The following CDC14B variants were observed in gnomAD, a reference collection of about 807,000 sequenced individuals.
The protein encoded by CDC14B is dual specificity protein phosphatase CDC14B.
Under a neutral mutation model 64.2 loss-of-function variants are expected in CDC14B, and 22 were observed. The observed-to-expected ratio is 0.34, with a 90% CI of 0.24 to 0.49. The LOEUF (loss-of-function observed/expected upper bound fraction) is 0.49, where lower values mean the gene tolerates loss of function less well. Ranked by LOEUF, CDC14B falls within the 20% of genes least tolerant of loss-of-function variation. CDC14B has a pLI of 0.99. For synonymous variants in CDC14B, 191 were observed against 215.8 expected (o/e 0.89, Z 1.01); for missense variants, 498 against 629.9 (o/e 0.79, Z 2.24).
downstream of CDC14B, among the ~76,000 whole-genome samples, chr9:96,499,275 G>A (rs1353810551): frequency 1.3e-5 from 2 of 152,212 alleles, no homozygotes; most frequent in Non-Finnish European, 2.9e-5. Flanking sequence ...GTGAATCCAA[G>A]CACAGCTCCT....
chr9:96,514,861 C>G, intron 12 of CDC14B: 1 of 985,340 alleles, frequency 1.0e-6, no homozygotes, highest in Non-Finnish European at 1.2e-6. Flanking sequence ...AAAGCCTCTT[C>G]GCTGTTAAGG....
Position 96,619,306 on chromosome 9 carries a change from A to G in CDC14B, c.73T>C (p.Ser25Pro). ...PPCSRRCSST[S>P]PGVKKIRSST... The stretch of plus-strand genomic sequence containing the variant: ...CTGCGGATCTTCTTCACACCCGGCG[A>G]GGTCGACGAGCAGCGCCGCGAGCAG... Residue 25 changes from serine (S) to proline (P), a missense_variant, in exon 1 of 14, where the codon TCG becomes CCG. Physicochemically the swap from Ser to Pro is moderately conservative, Grantham distance 74. Transcript: ENST00000375241. 7.6e-7 allele frequency: 1 copy of G among 1,315,086 alleles called. No homozygotes were observed. The highest frequency in any genetic ancestry group is 9.7e-7 in the Non-Finnish European group (1 of 1,028,720). The allele number at this position is 1,315,086 out of a possible 1,614,324, so 81.5% of individuals were successfully genotyped here.
At chr9:96,505,183 T>TTA (rs1446898432) in intron 13 of CDC14B, among the ~76,000 whole-genome samples, 1 of 149,368 alleles carries the variant, frequency 6.7e-6, no homozygotes, top group Non-Finnish European at 1.5e-5. Flanking sequence ...TCTGTCTCAT[T>TTA]TAAAAAAAAA....
chr9:96,575,323 T>C (rs1324952738), intron 1 of CDC14B, among the ~76,000 whole-genome samples: 2 of 152,206 alleles, frequency 1.3e-5, no homozygotes, highest in Non-Finnish European at 1.5e-5. Context: ...TTTTAATCTT[T>C]GTCTGTTTGA....
intron 9 of CDC14B, among the ~76,000 whole-genome samples, chr9:96,527,073 G>C (rs7466621): frequency 0.12 from 17,554 of 152,154 alleles, 3,353 homozygotes; most frequent in African/African-American, 0.4. Flanking sequence ...TCTGAATTCT[G>C]TTTTAGCTCA....
At chr9:96,541,536 A>G (rs1269085422) in intron 6 of CDC14B, among the ~76,000 whole-genome samples, 4 of 152,216 alleles carry the variant, frequency 2.6e-5, no homozygotes, top group Non-Finnish European at 4.4e-5. Flanking sequence ...TTAGATCATA[A>G]TATACTCAAA....
chr9:96,494,546 CT>C (rs5899289), intron 13 of CDC14B, among the ~76,000 whole-genome samples: 38,581 of 152,076 alleles, frequency 0.25, 6,511 homozygotes, highest in African/African-American at 0.48. Context: ...TCCTGGAAAG[CT>C]CTCTGCCTGG....
At chr9:96,512,076 G>A (rs529101895) in intron 12 of CDC14B, among the ~76,000 whole-genome samples, 18 of 151,710 alleles carry the variant, frequency 1.2e-4, no homozygotes, top group Admixed American at 2.0e-4. Flanking sequence ...ATAATTAGCC[G>A]GGCGTGGTGG....
At chr9:96,555,230 G>A (rs1324547988) in intron 4 of CDC14B, among the ~76,000 whole-genome samples, 2 of 152,288 alleles carry the variant, frequency 1.3e-5, no homozygotes, top group East Asian at 3.9e-4. Flanking sequence ...TGATTTCAGA[G>A]GCTAGATCAT....
intron 5 of CDC14B, among the ~76,000 whole-genome samples, chr9:96,547,755 T>C (rs1433158581): frequency 6.6e-6 from 1 of 152,096 alleles, no homozygotes; most frequent in Non-Finnish European, 1.5e-5. Context: ...GCCCAGCCTA[T>C]ACCAAGTGTT....
chr9:96,532,266 C>G (rs1471085036), intron 9 of CDC14B, among the ~76,000 whole-genome samples: 2 of 152,148 alleles, frequency 1.3e-5, no homozygotes, highest in Non-Finnish European at 2.9e-5. Context: ...ATGTAGAATT[C>G]TTAACAGGTT....
At chr9:96,551,474 C>T (rs1350683759) in intron 5 of CDC14B, among the ~76,000 whole-genome samples, 1 of 152,042 alleles carries the variant, frequency 6.6e-6, no homozygotes, top group South Asian at 2.1e-4. Context: ...AGATTTTGCT[C>T]TCCATCCCCC....
chr9:96,611,352 A>T (rs2119020351), intron 1 of CDC14B, among the ~76,000 whole-genome samples: 1 of 152,294 alleles, frequency 6.6e-6, no homozygotes, highest in South Asian at 2.1e-4. Context: ...GTTCCTGCGA[A>T]CCAGTCTGTT....
chr9:96,583,935 G>T (rs1253262962), intron 1 of CDC14B, among the ~76,000 whole-genome samples: 3 of 151,846 alleles, frequency 2.0e-5, no homozygotes, highest in Non-Finnish European at 4.4e-5. Context: ...AGCCAGGATG[G>T]TCTCGATCTC....
intron 12 of CDC14B, chr9:96,514,425 C>G: frequency 1.0e-6 from 1 of 985,292 alleles, no homozygotes. Context: ...AGAAATACAG[C>G]AGGTCTGAAT....
At position 96,515,713 on chromosome 9, in the gene CDC14B, G is replaced by A. The variant is rs960831267; in HGVS notation, c.1344-5924C>T. On this transcript the variant is annotated intron_variant, in intron 12 of 13. Transcript: ENST00000375241. This position sits in a 1 kb window ranked among gnomAD's most constrained non-coding sequence, Gnocchi z 4.3. ...CTGAAACCATCGAGACAGAATAGCAGGATGGGAAGAATGTAGTCACAAACA... is the reference window on the plus strand; with the variant it reads ...CTGAAACCATCGAGACAGAATAGCAAGATGGGAAGAATGTAGTCACAAACA... 1 of 1,605,602 alleles carries A rather than the reference G, an allele frequency of 6.2e-7. No homozygotes were observed. Among genetic ancestry groups the A allele is most frequent in the Non-Finnish European group, 8.5e-7 (1 of 1,176,470 alleles).
chr9:96,514,947 T>A, intron 12 of CDC14B: 1 of 985,190 alleles, frequency 1.0e-6, no homozygotes, highest in Non-Finnish European at 1.2e-6. Context: ...ATTCTGGCTA[T>A]GTCTGGGCAA....
chr9:96,576,632 C>CAAAAAAAA (rs11304216), intron 1 of CDC14B, among the ~76,000 whole-genome samples: 2 of 81,656 alleles, frequency 2.4e-5, no homozygotes, highest in Non-Finnish European at 4.9e-5. Context: ...GACTCCATCT[C>CAAAAAAAA]AAAAAAAAAA....
At chr9:96,511,055 A>C (rs1834842927) in intron 12 of CDC14B, among the ~76,000 whole-genome samples, 1 of 152,218 alleles carries the variant, frequency 6.6e-6, no homozygotes, top group Non-Finnish European at 1.5e-5. Context: ...AAGGTGAGAA[A>C]GCCAATAACA....
Sources: gnomAD v4.1 joint callset for allele counts (sites outside exome capture counted in the v4.1 genomes callset) on GRCh38, gnomAD v4.1.1 for gene constraint, Gnocchi (gnomAD v3.1) non-coding constraint, MANE v1.5 for transcripts, NCBI Gene and HGNC (gene_info 2026-07-23, HGNC 2026-07-21) for gene names.